Variants in DOCK1 observed in about 807,000 individuals in gnomAD.
DOCK1 encodes the protein dedicator of cytokinesis 1.
A neutral mutation model predicts 262.7 loss-of-function variants in DOCK1; 138 were observed. That is an observed-to-expected ratio of 0.53 (90% CI 0.46 to 0.61). The LOEUF (loss-of-function observed/expected upper bound fraction) is 0.61, where lower values mean the gene tolerates loss of function less well. Among genes scored for constraint, DOCK1 ranks in the 20% least tolerant of loss-of-function variants. The probability of loss-of-function intolerance (pLI) is 0.00; values close to 1 mark genes in which losing one functional copy is unlikely to be tolerated. For missense variants in DOCK1, 1,908 were observed against 2,370.7 expected (o/e 0.80, Z 4.05); for synonymous variants, 866 against 867.4 (o/e 1.00, Z 0.03).
At chr10:127,266,906 T>C (rs2060381996) in intron 29 of DOCK1, among the ~76,000 whole-genome samples, 3 of 152,174 alleles carry the variant, frequency 2.0e-5, no homozygotes, top group Admixed American at 2.0e-4. Flanking sequence ...GCCACAGTTC[T>C]CCTTCCTAGG....
At chr10:126,957,404 T>C (rs36188567) in intron 1 of DOCK1, among the ~76,000 whole-genome samples, 89,926 of 151,924 alleles carry the variant, frequency 0.59, 27,943 homozygotes, top group African/African-American at 0.78. Flanking sequence ...CCCATCAAAG[T>C]GGAAATTCCA....
At chr10:127,366,873 G>A (rs775144622) in intron 33 of DOCK1, among the ~76,000 whole-genome samples, 34 of 152,178 alleles carry the variant, frequency 2.2e-4, no homozygotes, top group Non-Finnish European at 4.4e-4. Context: ...TAGCAGATGT[G>A]CAAACCCTAC....
At chr10:127,415,051 C>G in intron 43 of DOCK1, 101 bp from the exon 44 acceptor site, 2 of 1,097,168 alleles carry the variant, frequency 1.8e-6, no homozygotes, top group East Asian at 2.5e-5. Flanking sequence ...GCTGAAGGAC[C>G]TGACTCCTTT....
rs2061018408 is a variant in DOCK1 at position 127,283,049 on chromosome 10, C to A, written c.3044+25620C>A. ...GAATGTGCTGGGAGAGCAGAGCATT[C>A]TTTGGGGCCTGTTTGGCGCCAACAA... On this transcript the variant is annotated intron_variant, in intron 29 of 51. Transcript: ENST00000623213. Among the ~76,000 whole-genome samples, 4 of 152,262 alleles carry A rather than the reference C, an allele frequency of 2.6e-5. No homozygotes were observed. In the South Asian group the frequency reaches 8.3e-4, roughly 31 times the overall value.
chr10:127,134,189 T>G (rs1592150871), intron 27 of DOCK1, among the ~76,000 whole-genome samples: 1 of 152,218 alleles, frequency 6.6e-6, no homozygotes, highest in East Asian at 1.9e-4. Flanking sequence ...TTCACAGTTT[T>G]AATTAAGAGT....
At chr10:127,016,093 T>A (rs1341343755) in intron 12 of DOCK1, 1 of 152,236 alleles carries the variant, frequency 6.6e-6, no homozygotes, top group Non-Finnish European at 1.5e-5. Flanking sequence ...CAGTTGCATA[T>A]TTCTCTAAGA....
intron 18 of DOCK1, among the ~76,000 whole-genome samples, chr10:127,035,812 C>A (rs1369428112): frequency 6.6e-6 from 1 of 151,818 alleles, no homozygotes; most frequent in African/African-American, 2.4e-5. Flanking sequence ...GAGGTTAAGA[C>A]CAGCCTGGGC....
chr10:127,370,326 C>G (rs1412123034), intron 33 of DOCK1, among the ~76,000 whole-genome samples: 1 of 152,148 alleles, frequency 6.6e-6, no homozygotes, highest in Non-Finnish European at 1.5e-5. Context: ...TCAGATCTCA[C>G]CCGGCTCTTG....
chr10:127,015,614 G>A (rs2041814062), intron 12 of DOCK1, among the ~76,000 whole-genome samples: 1 of 152,076 alleles, frequency 6.6e-6, no homozygotes, highest in Non-Finnish European at 1.5e-5. Context: ...GCCTGCAAGG[G>A]GCACCGTCTC....
intron 2 of DOCK1, among the ~76,000 whole-genome samples, chr10:126,973,473 A>C (rs1290006376): frequency 6.6e-6 from 1 of 152,074 alleles, no homozygotes; most frequent in Non-Finnish European, 1.5e-5. Flanking sequence ...AAAATATCTG[A>C]TTGCAGGCAT....
At chr10:127,285,070 C>T (rs1048572851) in intron 29 of DOCK1, among the ~76,000 whole-genome samples, 4 of 152,014 alleles carry the variant, frequency 2.6e-5, no homozygotes, top group East Asian at 1.9e-4. Flanking sequence ...CCCAGGAGGT[C>T]GAGGCTGCAG....
intron 23 of DOCK1, among the ~76,000 whole-genome samples, chr10:127,104,880 T>A (rs1199061689): frequency 6.6e-6 from 1 of 152,204 alleles, no homozygotes; most frequent in Non-Finnish European, 1.5e-5. Context: ...AAGTAATTAA[T>A]GTCTCCATTG....
chr10:127,396,772 AAT>A lies in DOCK1; in HGVS notation c.3928-6282_3928-6281del, dbSNP rs1554962652. Among the ~76,000 whole-genome samples the A allele has an allele frequency of 4.3e-4, 64 of 150,308 alleles. No homozygotes were observed. The East Asian group carries it at 9.9e-3, about 23-fold the overall frequency. ...TCTGTTACAAAAAAAAAAAAAAAAA[AAT>A]CTTCATTTTTTTATCTAGGGCATTA... On this transcript the variant is annotated intron_variant, in intron 38 of 51. Coordinates refer to ENST00000623213, the MANE Select transcript of DOCK1 (RefSeq NM_001290223.2).
intron 27 of DOCK1, among the ~76,000 whole-genome samples, chr10:127,202,279 C>T (rs900295093): frequency 4.0e-5 from 6 of 151,630 alleles, no homozygotes; most frequent in South Asian, 2.1e-4. Flanking sequence ...GCCAAGATCG[C>T]GCCATGGCAT....
chr10:127,113,604 G>T (rs551846911), intron 25 of DOCK1, among the ~76,000 whole-genome samples: 2 of 152,298 alleles, frequency 1.3e-5, no homozygotes, highest in South Asian at 4.1e-4. Context: ...TGCCTTGGTT[G>T]TTTCTGGCCT....
At chr10:127,075,834 A>G (rs9418741) in intron 23 of DOCK1, among the ~76,000 whole-genome samples, 66,492 of 151,956 alleles carry the variant, frequency 0.44, 15,424 homozygotes, top group South Asian at 0.65. Context: ...GGGACACAGA[A>G]CCAAACCATA....
intron 4 of DOCK1, among the ~76,000 whole-genome samples, chr10:126,986,835 G>A (rs2039432185): frequency 6.6e-6 from 1 of 152,144 alleles, no homozygotes; most frequent in African/African-American, 2.4e-5. Context: ...GCTTGAACCT[G>A]GGAGGCAGAG....
chr10:127,303,566 ACCT>A (rs749328644), intron 29 of DOCK1, among the ~76,000 whole-genome samples: 19,150 of 152,170 alleles, frequency 0.13, 1,641 homozygotes, highest in African/African-American at 0.23. Flanking sequence ...GGTGGCTCAC[ACCT>A]GTAATCCCAA....
chr10:127,130,065 C>CTTTTTTTTTTTTTTTTTTTTTTTTTTTT (rs74721427), intron 27 of DOCK1, among the ~76,000 whole-genome samples: 1 of 117,546 alleles, frequency 8.5e-6, no homozygotes, highest in African/African-American at 3.9e-5. Context: ...TTAGGGTCTT[C>CTTTTTTTTTTTTTTTTTTTTTTTTTTTT]TTTTTTTTTT....
Sources: gnomAD v4.1 joint callset for allele counts (sites outside exome capture counted in the v4.1 genomes callset) on GRCh38, gnomAD v4.1.1 for gene constraint, MANE v1.5 for transcripts, NCBI Gene and HGNC (gene_info 2026-07-23, HGNC 2026-07-21) for gene names.